The following SLC2A5 variants were observed in gnomAD, a reference collection of about 807,000 sequenced individuals.
The protein encoded by SLC2A5 is solute carrier family 2, facilitated glucose transporter member 5.
Under a neutral mutation model 50.3 loss-of-function variants are expected in SLC2A5, and 56 were observed. That is an observed-to-expected ratio of 1.11 (90% CI 0.90 to 1.39). SLC2A5 has a LOEUF of 1.39. Among genes scored for constraint, SLC2A5 ranks in the 40% most tolerant of loss-of-function variants. The pLI is 0.00. For missense variants in SLC2A5, 566 were observed against 650.1 expected, an observed-to-expected ratio of 0.87 and a Z score of 1.41; for synonymous variants, 269 against 281.9, an observed-to-expected ratio of 0.95 and a Z score of 0.46.
chr1:9,056,063 T>C (rs973252544), intron 3 of SLC2A5, among the ~76,000 whole-genome samples: 3 of 152,208 alleles, frequency 2.0e-5, no homozygotes, highest in Admixed American at 6.5e-5. Context: ...ACTCAAGAAG[T>C]GTCCGGCAGG....
chr1:9,052,145 G>A (rs776740436), intron 3 of SLC2A5, among the ~76,000 whole-genome samples: 4 of 152,174 alleles, frequency 2.6e-5, no homozygotes, highest in African/African-American at 9.7e-5. Context: ...TTAGCTGGGT[G>A]TGGTGGCGTG....
intron 1 of SLC2A5, among the ~76,000 whole-genome samples, chr1:9,087,021 T>C (rs1642407657): frequency 1.3e-5 from 2 of 152,114 alleles, no homozygotes; most frequent in East Asian, 3.9e-4. Flanking sequence ...ACAATAAACT[T>C]TCCTTCACAT....
chr1:9,092,682 C>T (rs1050767024), upstream of SLC2A5, among the ~76,000 whole-genome samples: 11 of 152,148 alleles, frequency 7.2e-5, no homozygotes, highest in Non-Finnish European at 1.5e-4. Context: ...CTTCTACTGT[C>T]GCCTCCAAAT....
At chr1:9,042,695 G>GTA (rs777573203) in intron 4 of SLC2A5, among the ~76,000 whole-genome samples, 6 of 151,152 alleles carry the variant, frequency 4.0e-5, no homozygotes, top group Non-Finnish European at 8.9e-5. Flanking sequence ...GTATGTGTAT[G>GTA]TATATATATG....
At chr1:9,060,530 T>G (rs200396921) in intron 1 of SLC2A5, among the ~76,000 whole-genome samples, 1 of 99,800 alleles carries the variant, frequency 1.0e-5, no homozygotes, top group Non-Finnish European at 2.0e-5. Flanking sequence ...ACACACATCA[T>G]ACACACACCA....
rs1641785638 is a variant in SLC2A5 at position 9,057,399 on chromosome 1, T to TGGA, written c.293+48_293+49insTCC. On this transcript the variant is annotated intron_variant, in intron 3 of 11. Transcript: ENST00000377424. ...CAGTTGTAGGCCTGTATTTTAGCTC[T>TGGA]GATGGGGGTCTATGAGTTTCAGGGA... The TGGA allele has an allele frequency of 2.8e-6, 4 of 1,434,468 alleles. No homozygotes were observed. In the African/African-American group the frequency reaches 5.7e-5, roughly 21 times the overall value. 88.9% of individuals were successfully genotyped at this position (1,434,468 alleles called of 1,614,324 possible). A position where few individuals can be genotyped will look rare whatever the true frequency, so the allele number is the denominator to read the frequency against.
At chr1:9,042,479 T>C (rs1641328390) in intron 4 of SLC2A5, among the ~76,000 whole-genome samples, 1 of 151,256 alleles carries the variant, frequency 6.6e-6, no homozygotes, top group Non-Finnish European at 1.5e-5. Context: ...TGTATGTCTG[T>C]GTGTGTATGG....
At chr1:9,064,406 C>T (rs1276867795) in intron 1 of SLC2A5, among the ~76,000 whole-genome samples, 1 of 152,002 alleles carries the variant, frequency 6.6e-6, no homozygotes, top group Non-Finnish European at 1.5e-5. Context: ...AGGGTCTCTC[C>T]TTAGAGGCTA....
the SLC2A5 span, among the ~76,000 whole-genome samples, chr1:9,093,793 G>A: frequency 3.3e-5 from 5 of 151,994 alleles, no homozygotes; most frequent in Admixed American, 6.5e-5. Flanking sequence ...TGTGCTTACC[G>A]CTGTCTTCCT....
chr1:9,047,620 T>G lies in SLC2A5; in HGVS notation c.408A>C (p.Gly136=). Residue 136 remains glycine, a synonymous_variant, in exon 4 of 12, where the codon GGA becomes GGC. Coordinates refer to ENST00000377424, the MANE Select transcript of SLC2A5 (RefSeq NM_003039.3). ...CATAGCATTGTTTACCTGCACATATTCCCACCAAAAGTCTGGAAATAATGA... is the reference window on the plus strand; with the variant it reads ...CATAGCATTGTTTACCTGCACATATGCCCACCAAAAGTCTGGAAATAATGA... ...ELIIISRLLV[G]ICAGVSSNVV... 1 of 1,613,800 alleles carries G rather than the reference T, an allele frequency of 6.2e-7. No homozygotes were observed. The highest frequency in any genetic ancestry group is 2.2e-5 in the East Asian group (1 of 44,868).
chr1:9,039,951 C>A lies in SLC2A5; in HGVS notation c.734G>T (p.Arg245Met). ...CTCCTGCCGGATCTCGGCCACCTCC[C>A]TGTCCACAGAGTCCCAGCCGCGCAG... ...QTLRGWDSVD[R>M]EVAEIRQEDE... Residue 245 changes from arginine (R) to methionine (M), a missense_variant, in exon 7 of 12, where the codon AGG becomes ATG. Transcript: ENST00000377424. The A allele has an allele frequency of 6.2e-7, 1 of 1,612,878 alleles. No individual in the cohort carries two copies. Among genetic ancestry groups the A allele is most frequent in the Non-Finnish European group, 8.5e-7 (1 of 1,179,674 alleles).
intron 3 of SLC2A5, among the ~76,000 whole-genome samples, chr1:9,055,775 G>A (rs1007556261): frequency 2.6e-5 from 4 of 151,856 alleles, no homozygotes; most frequent in East Asian, 1.9e-4. Context: ...GATTAGCTGC[G>A]CGTGGTGGCA....
chr1:9,076,795 G>GTT (rs987502795), intron 2 of SLC2A5, among the ~76,000 whole-genome samples: 2 of 144,294 alleles, frequency 1.4e-5, no homozygotes, highest in Non-Finnish European at 3.1e-5. Flanking sequence ...TGTTTTTTTT[G>GTT]TTTTTTTTTT....
At chr1:9,047,484 C>G (rs759286250) in intron 4 of SLC2A5, 126 bp downstream of exon 4, 31 of 925,520 alleles carry the variant, frequency 3.3e-5, no homozygotes, top group Non-Finnish European at 4.6e-5. Flanking sequence ...ATCTGTTTCA[C>G]AGCAGAGGTA....
chr1:9,057,944 C>T (rs540896149), intron 2 of SLC2A5, among the ~76,000 whole-genome samples: 22 of 152,324 alleles, frequency 1.4e-4, no homozygotes, highest in African/African-American at 5.3e-4. Flanking sequence ...TCCTAGAGCC[C>T]GGCCCACTGT....
At position 9,069,619 on chromosome 1, in the gene SLC2A5, G is replaced by A; in HGVS notation, c.-83C>T. 1 of 1,529,506 alleles carries A rather than the reference G, an allele frequency of 6.5e-7. No individual in the cohort carries two copies. The highest frequency in any genetic ancestry group is 9.0e-7 in the Non-Finnish European group (1 of 1,106,928). 94.7% of individuals were successfully genotyped at this position (1,529,506 alleles called of 1,614,324 possible). Reference sequence around the variant, plus strand: ...ACTGAATGGAGAGAGAAGACATTCTGGGTGCACTTTGGCCATGCCAAATAA... The same window carrying A: ...ACTGAATGGAGAGAGAAGACATTCTAGGTGCACTTTGGCCATGCCAAATAA... On this transcript the variant is annotated 5_prime_UTR_variant, in exon 1 of 12. Transcript: ENST00000377424.
intron 1 of SLC2A5, among the ~76,000 whole-genome samples, chr1:9,059,815 T>C (rs747658190): frequency 2.4e-4 from 37 of 152,124 alleles, no homozygotes; most frequent in Non-Finnish European, 5.1e-4. Context: ...ATTGTAGGCA[T>C]GAGCCACTGT....
chr1:9,069,117 G>C (rs1642157833), intron 1 of SLC2A5, among the ~76,000 whole-genome samples: 2 of 152,186 alleles, frequency 1.3e-5, no homozygotes, highest in Admixed American at 1.3e-4. Flanking sequence ...TATGTTACTT[G>C]CTGAAAAAAT....
rs973136944 is a variant in SLC2A5, at chr1:9,037,985, T to A, written c.1214A>T (p.Gln405Leu). Residue 405 changes from glutamine (Q) to leucine (L), a missense_variant, in exon 11 of 12, where the codon CAG becomes CTG. Physicochemically the swap from Gln to Leu is moderately radical, Grantham distance 113 (BLOSUM62 -2). Coordinates refer to ENST00000377424, the MANE Select transcript of SLC2A5 (RefSeq NM_003039.3). ...CATGAAGGCAGATGGCCGAGAGGACTGCAGGAAGATCTCAGTGATGAGCAG... is the reference window on the plus strand; with the variant it reads ...CATGAAGGCAGATGGCCGAGAGGACAGCAGGAAGATCTCAGTGATGAGCAG... ...PALLITEIFL[Q>L]SSRPSAFMVG... The A allele has an allele frequency of 1.2e-6, 2 of 1,613,824 alleles. No homozygotes were observed. Among genetic ancestry groups the A allele is most frequent in the Non-Finnish European group, 1.7e-6 (2 of 1,180,006 alleles).
Sources: gnomAD v4.1 joint callset for allele counts (sites outside exome capture counted in the v4.1 genomes callset) on GRCh38, gnomAD v4.1.1 for gene constraint, MANE v1.5 for transcripts, NCBI Gene and HGNC (gene_info 2026-07-23, HGNC 2026-07-21) for gene names.